ASMTL: variants seen among roughly 807,000 people sequenced by gnomAD.
ASMTL encodes the protein probable bifunctional dTTP/UTP pyrophosphatase/methyltransferase protein.
ASMTL carries 57 observed loss-of-function variants against 60.3 expected under a neutral mutation model. That is an observed-to-expected ratio of 0.95 (90% CI 0.76 to 1.18). The LOEUF (loss-of-function observed/expected upper bound fraction) is 1.18. Ranked by LOEUF, ASMTL falls within the 50% of genes most tolerant of loss-of-function variation. ASMTL has a pLI of 0.00. For missense variants in ASMTL, 981 were observed against 852.6 expected (o/e 1.15, Z -1.88); for synonymous variants, 419 against 373.0 (o/e 1.12, Z -1.42).
Position 1,444,695 on chromosome X carries a change from C to CT in ASMTL, c.94-2379dup, listed in dbSNP as rs1445130545. 2.0e-5 allele frequency among the ~76,000 whole-genome samples: 3 copies of CT among 152,066 alleles called. No homozygotes were observed. In the South Asian group the frequency reaches 6.2e-4, roughly 32 times the overall value. On this transcript the variant is annotated intron_variant, in intron 1 of 12. Transcript: ENST00000381317. Reference sequence around the variant, plus strand: ...GACCCTGTCCTTTCTCTCTCTCCCTCTTTGAGTGTTGGGAGTGGAGGTTCT... The same window carrying CT: ...GACCCTGTCCTTTCTCTCTCTCCCTCTTTTGAGTGTTGGGAGTGGAGGTTCT...
chrX:1,453,407 C>T (rs1188636480), upstream of ASMTL, among the ~76,000 whole-genome samples: 1 of 151,848 alleles, frequency 6.6e-6, no homozygotes. Context: ...CTCCGCCTCC[C>T]GGGCCCCGTC....
chrX:1,434,906 C>A, intron 5 of ASMTL, 116 bp downstream of exon 5: 2 of 1,094,184 alleles, frequency 1.8e-6, no homozygotes, highest in South Asian at 1.3e-5. Context: ...TAGGCACAAA[C>A]CCCTCCACAG....
chrX:1,443,815 G>A (rs73621900), intron 1 of ASMTL, among the ~76,000 whole-genome samples: 6,328 of 148,100 alleles, frequency 0.043, 470 homozygotes, highest in African/African-American at 0.15. Flanking sequence ...AGACACCATC[G>A]TGGACACACA....
In ASMTL at chrX:1,442,196, C is replaced by T. The variant is rs200185423; in HGVS notation, c.215G>A (p.Arg72Gln). Reference sequence around the variant, plus strand: ...GCAGGGGCCCCTTGCCTGGTACAGCCGGTTGGCCACCTCCAGGGCCTTCTG... The same window carrying T: ...GCAGGGGCCCCTTGCCTGGTACAGCTGGTTGGCCACCTCCAGGGCCTTCTG... ...AKQKALEVANRLYQKDLRAPD... is the reference protein window; with the variant it reads ...AKQKALEVANQLYQKDLRAPD... The change falls in exon 2 of 13, where the codon CGG (arginine) becomes CAG (glutamine). Residue 72 changes from arginine (R) to glutamine (Q), a missense_variant. Arg to Gln is a conservative substitution (Grantham distance 43). Coordinates refer to ENST00000381317, the MANE Select transcript of ASMTL (RefSeq NM_004192.4). The T allele has an allele frequency of 1.2e-5, 19 of 1,613,684 alleles. No homozygotes were observed. Among genetic ancestry groups the T allele is most frequent in the African/African-American group, 2.7e-5 (2 of 75,000 alleles).
intron 12 of ASMTL, among the ~76,000 whole-genome samples, chrX:1,407,018 G>A (rs1158885624): frequency 6.7e-6 from 1 of 150,124 alleles, no homozygotes; most frequent in Non-Finnish European, 1.5e-5. Context: ...ATGGATGGGT[G>A]AATAGATGGT....
Position 1,429,220 on chromosome X carries a change from A to AT in ASMTL, c.510-1100dup, listed in dbSNP as rs1399945290. The stretch of plus-strand genomic sequence containing the variant: ...CTCTTTTCTCTTTCTTATTTTATCT[A>AT]TTTTTTTTTTTCAAGACAGGGTCTC... On this transcript the variant is annotated intron_variant, in intron 6 of 12. Coordinates refer to ENST00000381317, the MANE Select transcript of ASMTL (RefSeq NM_004192.4). Among the ~76,000 whole-genome samples, 202 of 131,148 alleles carry AT rather than the reference A, an allele frequency of 1.5e-3. 3 individuals are homozygous for AT. The highest frequency in any genetic ancestry group is 3.4e-3 in the African/African-American group (120 of 35,238). 86.0% of individuals were successfully genotyped at this position (131,148 alleles called of 152,430 possible). A position where few individuals can be genotyped will look rare whatever the true frequency, so the allele number is the denominator to read the frequency against.
At chrX:1,446,338 G>A (rs1251063490) in intron 1 of ASMTL, among the ~76,000 whole-genome samples, 7 of 151,592 alleles carry the variant, frequency 4.6e-5, no homozygotes, top group Non-Finnish European at 1.0e-4. Flanking sequence ...CCTGGCATTC[G>A]GGACCACCAC....
chrX:1,403,850 A>G (rs1397972935), intron 12 of ASMTL, among the ~76,000 whole-genome samples: 3 of 152,070 alleles, frequency 2.0e-5, no homozygotes, highest in Non-Finnish European at 4.4e-5. Context: ...GGATGAACAG[A>G]TGGTAAGTGA....
At chrX:1,446,423 T>G (rs1171725447) in intron 1 of ASMTL, among the ~76,000 whole-genome samples, 1 of 152,068 alleles carries the variant, frequency 6.6e-6, no homozygotes, top group Non-Finnish European at 1.5e-5. Context: ...CTTGTGTCTT[T>G]ATTTCTACAC....
intron 12 of ASMTL, among the ~76,000 whole-genome samples, chrX:1,404,987 T>C (rs1293676014): frequency 6.8e-6 from 1 of 146,346 alleles, no homozygotes; most frequent in Non-Finnish European, 1.5e-5. Context: ...TGGTAGATGA[T>C]GGGTAGGTAG....
At chrX:1,428,163 A>G (rs1276775112) in intron 6 of ASMTL, 42 bp from the exon 7 acceptor site, 4 of 1,564,408 alleles carry the variant, frequency 2.6e-6, no homozygotes. Flanking sequence ...AGGAGGAGAA[A>G]AGTTCCTGGG....
chrX:1,407,342 AGATG>A (rs1188069446), intron 12 of ASMTL, among the ~76,000 whole-genome samples: 1 of 148,516 alleles, frequency 6.7e-6, no homozygotes, highest in Admixed American at 6.7e-5. Context: ...TAGATGGATG[AGATG>A]GATGGGTGTA....
chrX:1,418,177 C>G, intron 10 of ASMTL, 61 bp from the exon 11 acceptor site: 1 of 1,511,756 alleles, frequency 6.6e-7, no homozygotes, highest in Non-Finnish European at 8.9e-7. Flanking sequence ...GACGACTCTC[C>G]AAAGCTCAAC....
At chrX:1,407,927 G>A (rs1336317934) in intron 12 of ASMTL, among the ~76,000 whole-genome samples, 10 of 151,862 alleles carry the variant, frequency 6.6e-5, no homozygotes, top group East Asian at 1.9e-4. Context: ...GACAGAGGCC[G>A]GGTGCAGTGG....
At chrX:1,419,917 ACT>A (rs2090427324) in intron 9 of ASMTL, among the ~76,000 whole-genome samples, 1 of 136,476 alleles carries the variant, frequency 7.3e-6, no homozygotes. Context: ...TCTCTCTCTG[ACT>A]CTTTCTCCCT....
At chrX:1,430,837 T>C (rs866764308) in intron 6 of ASMTL, among the ~76,000 whole-genome samples, 121 of 143,656 alleles carry the variant, frequency 8.4e-4, no homozygotes, top group African/African-American at 2.9e-3. Flanking sequence ...CAAATGTATT[T>C]ATATACATAT....
chrX:1,428,390 C>A (rs1390832932), intron 6 of ASMTL, among the ~76,000 whole-genome samples: 1 of 151,706 alleles, frequency 6.6e-6, no homozygotes, highest in Admixed American at 6.6e-5. Flanking sequence ...GGCTGTAATC[C>A]CAGCACTTTG....
chrX:1,442,149 G>A (rs762714566), intron 2 of ASMTL, 37 bp downstream of exon 2: 6 of 1,605,650 alleles, frequency 3.7e-6, no homozygotes, highest in Middle Eastern at 2.0e-4. Context: ...CACAGCAAAG[G>A]AATTTTCATA....
intron 3 of ASMTL, among the ~76,000 whole-genome samples, chrX:1,438,164 C>T (rs1172123724): frequency 4.6e-5 from 7 of 151,188 alleles, no homozygotes; most frequent in Non-Finnish European, 8.9e-5. Flanking sequence ...TGGCGGGTGC[C>T]TGTGATCCCA....
Sources: allele counts gnomAD v4.1 joint callset (sites outside exome capture counted in the v4.1 genomes callset), GRCh38; gene constraint gnomAD v4.1.1; transcripts MANE v1.5; gene names NCBI Gene and HGNC (gene_info 2026-07-23, HGNC 2026-07-21).